The following CHODL variants were observed in gnomAD, a reference collection of about 807,000 sequenced individuals.
CHODL encodes chondrolectin.
Under a neutral mutation model 34.5 loss-of-function variants are expected in CHODL, and 29 were observed. The observed-to-expected ratio is 0.84, with a 90% CI of 0.63 to 1.15. The LOEUF is 1.15. CHODL is among the 50% of genes most tolerant of loss of function. CHODL has a pLI of 0.00. For synonymous variants in CHODL, 125 were observed against 116.1 expected, an observed-to-expected ratio of 1.08 and a Z score of -0.49; for missense variants, 332 against 332.5, an observed-to-expected ratio of 1.00 and a Z score of 0.01.
chr21:17,937,006 A>T (rs1408785970), intron 1 of CHODL, among the ~76,000 whole-genome samples: 3 of 149,356 alleles, frequency 2.0e-5, no homozygotes, highest in Non-Finnish European at 4.4e-5. Flanking sequence ...CCCTGGAGGC[A>T]GAGGTTGCAG....
intron 2 of CHODL, among the ~76,000 whole-genome samples, chr21:18,110,630 A>T (rs1333033139): frequency 6.6e-6 from 1 of 152,196 alleles, no homozygotes; most frequent in Non-Finnish European, 1.5e-5. Flanking sequence ...TCTTCATGAC[A>T]AAAACCACAA....
intron 1 of CHODL, among the ~76,000 whole-genome samples, chr21:17,940,147 T>G (rs1001045764): frequency 6.6e-6 from 1 of 152,218 alleles, no homozygotes; most frequent in African/African-American, 2.4e-5. Flanking sequence ...CTGGCATTAT[T>G]TAACACAGCT....
At chr21:18,092,731 G>C (rs758323899) in intron 2 of CHODL, among the ~76,000 whole-genome samples, 1 of 152,212 alleles carries the variant, frequency 6.6e-6, no homozygotes, top group African/African-American at 2.4e-5. Context: ...AGAAGAAAGA[G>C]AGTGAACTTG....
intron 1 of CHODL, among the ~76,000 whole-genome samples, chr21:18,249,460 A>G (rs184401193): frequency 2.3e-4 from 35 of 152,194 alleles, no homozygotes; most frequent in African/African-American, 8.4e-4. Flanking sequence ...CAGAGGCAAC[A>G]TTAATTCTTA....
At chr21:18,128,399 A>G (rs2072608443) in intron 2 of CHODL, among the ~76,000 whole-genome samples, 1 of 150,924 alleles carries the variant, frequency 6.6e-6, no homozygotes, top group Non-Finnish European at 1.5e-5. Context: ...AAAGATTTCC[A>G]CAGCTCAACA....
At chr21:18,039,689 C>T (rs1434369301) in intron 2 of CHODL, among the ~76,000 whole-genome samples, 1 of 151,670 alleles carries the variant, frequency 6.6e-6, no homozygotes, top group East Asian at 1.9e-4. Flanking sequence ...ATAAATTACT[C>T]CCTATCCTCT....
At chr21:17,931,080 C>T (rs1568803369) in intron 1 of CHODL, among the ~76,000 whole-genome samples, 1 of 152,098 alleles carries the variant, frequency 6.6e-6, no homozygotes. Context: ...CTGGTGGAGC[C>T]CCCTCTCCAA....
intron 1 of CHODL, among the ~76,000 whole-genome samples, chr21:17,927,058 A>C (rs2063230404): frequency 1.3e-5 from 2 of 150,850 alleles, no homozygotes; most frequent in Admixed American, 1.3e-4. Flanking sequence ...ATATATGTGT[A>C]TATGTATGTA....
intron 2 of CHODL, among the ~76,000 whole-genome samples, chr21:18,049,254 G>A (rs528938892): frequency 7.9e-5 from 12 of 152,010 alleles, no homozygotes; most frequent in Admixed American, 2.0e-4. Context: ...GTGACTTATG[G>A]TGATCAAAAT....
intron 2 of CHODL, among the ~76,000 whole-genome samples, chr21:18,041,652 A>G (rs2146454585): frequency 6.6e-6 from 1 of 152,046 alleles, no homozygotes; most frequent in East Asian, 1.9e-4. Flanking sequence ...TTAACTGAGA[A>G]CTATAAGTCT....
chr21:18,029,285 T>C (rs1306431292), intron 2 of CHODL, among the ~76,000 whole-genome samples: 3 of 152,126 alleles, frequency 2.0e-5, no homozygotes, highest in African/African-American at 7.2e-5. Context: ...GATGTACAAA[T>C]TCCTACTTTA....
At chr21:18,057,040 G>C (rs2064590927) in intron 2 of CHODL, among the ~76,000 whole-genome samples, 1 of 152,040 alleles carries the variant, frequency 6.6e-6, no homozygotes, top group African/African-American at 2.4e-5. Flanking sequence ...GATGATATGG[G>C]AGAGTCTTAC....
chr21:18,005,412 T>C (rs940755265), intron 1 of CHODL, among the ~76,000 whole-genome samples: 4 of 152,210 alleles, frequency 2.6e-5, no homozygotes, highest in East Asian at 3.9e-4. Context: ...ATTTGACTGG[T>C]AGGACAATTT....
Position 17,936,465 on chromosome 21 carries a change from A to AG in CHODL, c.-145+19065_-145+19066insG. On this transcript the variant is annotated intron_variant, in intron 1 of 6. Coordinates refer to the CHODL transcript ENST00000400127. ...ATTAAAGATAGTATAAGATGATGTT[A>AG]AAAAAAAAAAAAAGAATCATCAGAA... 3.7e-5 allele frequency among the ~76,000 whole-genome samples: 2 copies of AG among 53,498 alleles called. 1 individual carries two copies. The highest frequency in any genetic ancestry group is 1.8e-3 in the South Asian group (2 of 1,084). 35.1% of individuals were successfully genotyped at this position (53,498 alleles called of 152,430 possible).
intron 1 of CHODL, among the ~76,000 whole-genome samples, chr21:17,987,677 G>GA (rs2063764389): frequency 6.6e-6 from 1 of 152,032 alleles, no homozygotes; most frequent in African/African-American, 2.4e-5. Flanking sequence ...TGACTTAATA[G>GA]AAAAGCAAAG....
chr21:18,021,977 A>T (rs778240604), intron 1 of CHODL, among the ~76,000 whole-genome samples: 30 of 152,168 alleles, frequency 2.0e-4, no homozygotes, highest in Non-Finnish European at 3.4e-4. Context: ...GGAGGCAATT[A>T]GGTTTAGGGG....
intron 2 of CHODL, among the ~76,000 whole-genome samples, chr21:18,193,740 T>TAAA (rs2073546349): frequency 6.8e-6 from 1 of 148,082 alleles, no homozygotes; most frequent in South Asian, 2.2e-4. Flanking sequence ...AATAAATAAA[T>TAAA]AAATAAAAAA....
intron 2 of CHODL, among the ~76,000 whole-genome samples, chr21:18,144,606 A>G (rs1366008928): frequency 6.6e-6 from 1 of 152,138 alleles, no homozygotes; most frequent in Non-Finnish European, 1.5e-5. Flanking sequence ...TCATACGACA[A>G]GCTCTCATAA....
chr21:18,069,883 T>TA (rs2064775222), intron 2 of CHODL, among the ~76,000 whole-genome samples: 1 of 151,768 alleles, frequency 6.6e-6, no homozygotes, highest in African/African-American at 2.4e-5. Context: ...GTGCTGAGAT[T>TA]ACAGACATGA....
Sources: gnomAD v4.1 joint callset for allele counts (sites outside exome capture counted in the v4.1 genomes callset) on GRCh38, gnomAD v4.1.1 for gene constraint, MANE v1.5 for transcripts, NCBI Gene and HGNC (gene_info 2026-07-23, HGNC 2026-07-21) for gene names.